The following LRRC7 variants were observed in gnomAD, a reference collection of about 807,000 sequenced individuals.
The protein encoded by LRRC7 is leucine-rich repeat-containing protein 7.
A neutral mutation model predicts 175.7 loss-of-function variants in LRRC7; 23 were observed. The observed-to-expected ratio is 0.13, with a 90% CI of 0.09 to 0.19. LRRC7 has a LOEUF of 0.19. LRRC7 is among the 10% of genes least tolerant of loss of function. The probability of loss-of-function intolerance (pLI) is 1.00; values close to 1 mark genes in which losing one functional copy is unlikely to be tolerated. For missense variants in LRRC7, 1,354 were observed against 1,904.7 expected (o/e 0.71, Z 5.38); for synonymous variants, 685 against 680.9 (o/e 1.01, Z -0.09).
intron 8 of LRRC7, among the ~76,000 whole-genome samples, chr1:69,932,275 AT>A (rs1307242171): frequency 6.6e-6 from 1 of 152,198 alleles, no homozygotes; most frequent in Non-Finnish European, 1.5e-5. Context: ...TATTTTAATT[AT>A]TTTAAAATTA....
intron 1 of LRRC7, among the ~76,000 whole-genome samples, chr1:69,598,003 A>G (rs1021476881): frequency 6.6e-6 from 1 of 152,178 alleles, no homozygotes; most frequent in African/African-American, 2.4e-5. Context: ...CCTTTCATCT[A>G]CCAAACAGAA....
intron 26 of LRRC7, among the ~76,000 whole-genome samples, chr1:70,118,516 C>A (rs574378745): frequency 6.6e-6 from 1 of 152,104 alleles, no homozygotes; most frequent in Admixed American, 6.6e-5. Context: ...GATACAGCAA[C>A]AATTTTTTAA....
intron 2 of LRRC7, among the ~76,000 whole-genome samples, chr1:69,716,635 A>T (rs1421620290): frequency 6.6e-6 from 1 of 151,906 alleles, no homozygotes; most frequent in Non-Finnish European, 1.5e-5. Flanking sequence ...TAAGAAATAA[A>T]GTGAAATTAT....
intron 8 of LRRC7, among the ~76,000 whole-genome samples, chr1:69,952,997 C>CAAAA (rs61277479): frequency 1.1e-4 from 6 of 56,970 alleles, no homozygotes; most frequent in Non-Finnish European, 1.7e-4. Context: ...AGAGACAAGG[C>CAAAA]AAAAAAAAAA....
At chr1:69,967,484 G>A (rs1464062155) in intron 8 of LRRC7, among the ~76,000 whole-genome samples, 1 of 152,140 alleles carries the variant, frequency 6.6e-6, no homozygotes, top group Admixed American at 6.5e-5. Flanking sequence ...CTCTCAGCAG[G>A]ATGCCAGATA....
In LRRC7 at chr1:69,714,289, T is replaced by C. The variant is rs1570467046; in HGVS notation, c.100+35811T>C. ...TGTCCAGTTTAATACATAAGCAATA[T>C]TTATCAAATTTTTAAAAGTATGAAG... On this transcript the variant is annotated intron_variant, in intron 2 of 26. Coordinates refer to ENST00000651989, the MANE Select transcript of LRRC7 (RefSeq NM_001370785.2). 2.0e-5 allele frequency among the ~76,000 whole-genome samples: 3 copies of C among 152,200 alleles called. No individual in the cohort carries two copies. The East Asian group carries it at 5.8e-4, about 29-fold the overall frequency.
intron 25 of LRRC7, among the ~76,000 whole-genome samples, chr1:70,098,143 T>G: frequency 6.6e-6 from 1 of 152,202 alleles, no homozygotes; most frequent in African/African-American, 2.4e-5. Context: ...GACTTTTGAA[T>G]GATTGCCATT....
chr1:69,687,660 G>A (rs1247279549), intron 2 of LRRC7, among the ~76,000 whole-genome samples: 1 of 110,242 alleles, frequency 9.1e-6, no homozygotes, highest in Admixed American at 8.9e-5. Context: ...AATACATGAT[G>A]CCTCTCTTGA....
chr1:70,120,766 C>T (rs916770085), intron 26 of LRRC7, among the ~76,000 whole-genome samples: 2 of 152,084 alleles, frequency 1.3e-5, no homozygotes, highest in African/African-American at 2.4e-5. Context: ...GTCAACTTGA[C>T]TGCCTCTTTT....
intron 2 of LRRC7, among the ~76,000 whole-genome samples, chr1:69,720,392 T>A (rs1474260485): frequency 1.3e-5 from 2 of 151,670 alleles, no homozygotes; most frequent in African/African-American, 2.4e-5. Flanking sequence ...TCTTAGAAAA[T>A]TTTAACTCCA....
intron 7 of LRRC7, among the ~76,000 whole-genome samples, chr1:69,889,322 C>T (rs113452068): frequency 6.6e-6 from 1 of 152,182 alleles, no homozygotes. Context: ...CTTTAAGATG[C>T]TAAGATTTCT....
At chr1:69,819,010 T>C (rs1284622879) in intron 4 of LRRC7, among the ~76,000 whole-genome samples, 1 of 151,434 alleles carries the variant, frequency 6.6e-6, no homozygotes. Flanking sequence ...TAAAGGCTTG[T>C]CAATTTTATC....
intron 10 of LRRC7, among the ~76,000 whole-genome samples, chr1:69,993,469 A>G (rs530951343): frequency 6.6e-6 from 1 of 152,126 alleles, no homozygotes; most frequent in Non-Finnish European, 1.5e-5. Context: ...TATGGGCATG[A>G]TCTATAGCCA....
At chr1:70,071,900 C>T (rs1206393898) in intron 23 of LRRC7, among the ~76,000 whole-genome samples, 1 of 152,078 alleles carries the variant, frequency 6.6e-6, no homozygotes, top group Admixed American at 6.5e-5. Context: ...GTGATAAAGC[C>T]ATGTCTTTTA....
intron 1 of LRRC7, among the ~76,000 whole-genome samples, chr1:69,590,052 G>C (rs1001140380): frequency 2.0e-5 from 3 of 152,102 alleles, no homozygotes; most frequent in Non-Finnish European, 4.4e-5. Flanking sequence ...TGCCTCCACA[G>C]TTGTAAGGAA....
chr1:69,641,739 T>G (rs61782244), intron 1 of LRRC7, among the ~76,000 whole-genome samples: 52,655 of 151,320 alleles, frequency 0.35, 9,542 homozygotes, highest in East Asian at 0.59. Context: ...TTTTTAGAAC[T>G]TAAACAAATT....
intron 7 of LRRC7, among the ~76,000 whole-genome samples, chr1:69,854,309 A>G (rs375016553): frequency 1.6e-3 from 238 of 152,168 alleles, no homozygotes; most frequent in African/African-American, 5.2e-3. Flanking sequence ...ACTAGCCTGG[A>G]CAATGTGGTA....
chr1:70,111,457 T>C (rs1019683901), intron 26 of LRRC7, among the ~76,000 whole-genome samples: 1 of 152,184 alleles, frequency 6.6e-6, no homozygotes, highest in Non-Finnish European at 1.5e-5. Flanking sequence ...TTCAATTATA[T>C]AACAGTAAGA....
chr1:69,609,988 T>C (rs941810770), intron 1 of LRRC7, among the ~76,000 whole-genome samples: 1 of 152,054 alleles, frequency 6.6e-6, no homozygotes, highest in Non-Finnish European at 1.5e-5. Flanking sequence ...GTGATCACCA[T>C]TTTATTACTC....
Sources: gnomAD v4.1 joint callset for allele counts (sites outside exome capture counted in the v4.1 genomes callset) on GRCh38, gnomAD v4.1.1 for gene constraint, MANE v1.5 for transcripts, NCBI Gene and HGNC (gene_info 2026-07-23, HGNC 2026-07-21) for gene names.